The following PTCD1 variants were observed in gnomAD, a reference collection of about 807,000 sequenced individuals.
PTCD1 encodes pentatricopeptide repeat domain 1.
Under a neutral mutation model 53.4 loss-of-function variants are expected in PTCD1, and 50 were observed. The observed-to-expected ratio is 0.94, with a 90% CI of 0.75 to 1.19. The LOEUF is 1.19. Among genes scored for constraint, PTCD1 ranks in the 50% most tolerant of loss-of-function variants. The pLI is 0.00. For missense variants in PTCD1, 918 were observed against 904.8 expected, an observed-to-expected ratio of 1.01 and a Z score of -0.19; for synonymous variants, 413 against 394.8, an observed-to-expected ratio of 1.05 and a Z score of -0.55.
At chr7:99,428,802 G>C (rs1249875931) in intron 5 of PTCD1, among the ~76,000 whole-genome samples, 1 of 152,042 alleles carries the variant, frequency 6.6e-6, no homozygotes, top group Admixed American at 6.6e-5. Context: ...ATGGGGGTGT[G>C]GGAGGGTTGA....
Position 99,419,394 on chromosome 7 carries a change from C to T in PTCD1, c.*573G>A, listed in dbSNP as rs927895452. 5 of 1,612,972 alleles carry T rather than the reference C, an allele frequency of 3.1e-6. No homozygotes were observed. Among genetic ancestry groups the T allele is most frequent in the African/African-American group, 1.3e-5 (1 of 74,920 alleles). ...TCACTGTCCTCCTCCGTTGCAGGGC[C>T]GCATCATCGAGTGCACACACTGTGG... On this transcript the variant is annotated 3_prime_UTR_variant, in exon 8 of 8. Coordinates refer to ENST00000292478, the MANE Select transcript of PTCD1 (RefSeq NM_015545.4).
chr7:99,421,441 A>G lies in PTCD1; in HGVS notation c.1921-1292T>C, dbSNP rs528229166. ...ATTCCCGTCTCTTTAAAAAAAAAAA[A>G]AAAAAAGAAAAAAGAAAATGCGGCA... On this transcript the variant is annotated intron_variant, in intron 7 of 7. Coordinates refer to ENST00000292478, the MANE Select transcript of PTCD1 (RefSeq NM_015545.4). Among the ~76,000 whole-genome samples, 298 of 146,830 alleles carry G rather than the reference A, an allele frequency of 2.0e-3. 3 individuals are homozygous for G. The highest frequency in any genetic ancestry group is 5.7e-3 in the African/African-American group (223 of 39,044).
intron 7 of PTCD1, among the ~76,000 whole-genome samples, chr7:99,423,002 CTTTTTT>C (rs76812753): frequency 6.9e-6 from 1 of 144,608 alleles, no homozygotes; most frequent in Non-Finnish European, 1.5e-5. Context: ...GAGCTCTTCT[CTTTTTT>C]TTTTTTTCAC....
intron 7 of PTCD1, among the ~76,000 whole-genome samples, chr7:99,422,170 A>C (rs1411884181): frequency 6.6e-6 from 1 of 152,202 alleles, no homozygotes; most frequent in African/African-American, 2.4e-5. Context: ...ACAGTTCAAA[A>C]ATGCCCAGCT....
intron 3 of PTCD1, among the ~76,000 whole-genome samples, chr7:99,432,695 T>G (rs988246458): frequency 6.6e-6 from 1 of 152,152 alleles, no homozygotes; most frequent in Non-Finnish European, 1.5e-5. Context: ...TGTCTCTGTG[T>G]CTTATTTCTT....
intron 1 of PTCD1, among the ~76,000 whole-genome samples, chr7:99,438,308 T>C (rs1413596091): frequency 1.5e-5 from 1 of 67,580 alleles, no homozygotes; most frequent in South Asian, 4.8e-4. Flanking sequence ...AAAAATAAAA[T>C]TTTAAAAATT....
intron 3 of PTCD1, 125 bp from the exon 4 acceptor site, chr7:99,429,931 G>A (rs1796196924): frequency 1.6e-6 from 2 of 1,227,094 alleles, no homozygotes; most frequent in Non-Finnish European, 2.3e-6. Context: ...CAGGCTCTAA[G>A]GCAGAGCCAT....
rs1003967626 is a variant in PTCD1 at position 99,417,065 on chromosome 7, C to CTT, written c.*2900_*2901dup. 1.8e-4 allele frequency: 38 copies of CTT among 208,970 alleles called. No homozygotes were observed. Among genetic ancestry groups the CTT allele is most frequent in the South Asian group, 4.5e-4 (8 of 17,716 alleles). The allele number at this position is 208,970 out of a possible 1,614,324, so 12.9% of individuals were successfully genotyped here. ...ACTGTCCCGTTGCAATACTGAATGCCTTTTTTTTTTTGAGATGGAGTTTCG... is the reference window on the plus strand; with the variant it reads ...ACTGTCCCGTTGCAATACTGAATGCCTTTTTTTTTTTTTGAGATGGAGTTTCG... On this transcript the variant is annotated 3_prime_UTR_variant, in exon 8 of 8. Coordinates refer to ENST00000292478, the MANE Select transcript of PTCD1 (RefSeq NM_015545.4).
At chr7:99,429,282 A>T (rs1020300014) in intron 4 of PTCD1, 78 bp from the exon 5 acceptor site, 15 of 1,558,880 alleles carry the variant, frequency 9.6e-6, no homozygotes, top group Non-Finnish European at 1.3e-5. Flanking sequence ...TAATCCTGGC[A>T]CATTGGGAGG....
intron 5 of PTCD1, among the ~76,000 whole-genome samples, chr7:99,427,115 C>T (rs1252497173): frequency 1.3e-5 from 2 of 150,956 alleles, no homozygotes; most frequent in East Asian, 2.0e-4. Context: ...CCAGCCGCCC[C>T]GTCCGGGAGG....
chr7:99,432,270 G>C (rs756569124), intron 3 of PTCD1, among the ~76,000 whole-genome samples: 1 of 151,736 alleles, frequency 6.6e-6, no homozygotes, highest in African/African-American at 2.4e-5. Context: ...TCTCCTGCTC[G>C]TCCCTGGGAA....
intron 4 of PTCD1, among the ~76,000 whole-genome samples, 179 bp downstream of exon 4, chr7:99,429,409 T>G (rs1399916283): frequency 2.0e-5 from 3 of 152,110 alleles, no homozygotes; most frequent in Non-Finnish European, 4.4e-5. Context: ...CAGCACACGG[T>G]GGCATACACA....
chr7:99,427,326 G>A lies in PTCD1; in HGVS notation c.916-1710C>T, dbSNP rs577687161. On this transcript the variant is annotated intron_variant, in intron 5 of 7. Transcript: ENST00000292478. ...AGGTGGGGGGGTCAGCCCCCCGCCCGGCCAGCCGCCCCGTCCGGGAGGGAG... is the reference window on the plus strand; with the variant it reads ...AGGTGGGGGGGTCAGCCCCCCGCCCAGCCAGCCGCCCCGTCCGGGAGGGAG... 5.5e-4 allele frequency among the ~76,000 whole-genome samples: 78 copies of A among 142,990 alleles called. 3 individuals carry two copies. In the East Asian group the frequency reaches 0.013, roughly 24 times the overall value. The allele number at this position is 142,990 out of a possible 152,430, so 93.8% of individuals were successfully genotyped here. A position where few individuals can be genotyped will look rare whatever the true frequency, so the allele number is the denominator to read the frequency against.
At chr7:99,433,210 G>C in intron 3 of PTCD1, 68 bp downstream of exon 3, 9 of 1,613,138 alleles carry the variant, frequency 5.6e-6, no homozygotes, top group Non-Finnish European at 6.8e-6. Context: ...GCACTAGCAA[G>C]TGGCACACTT....
chr7:99,425,270 C>T lies in PTCD1; in HGVS notation c.1262G>A (p.Ser421Asn). 6.2e-7 allele frequency: 1 copy of T among 1,613,214 alleles called. No individual in the cohort carries two copies. The highest frequency in any genetic ancestry group is 1.1e-5 in the South Asian group (1 of 91,024). ...CACTGCGGTGAGGGCTGCTGTGTGG[C>T]TGGGCTCTGCCTTAGTATCCACCTC... ...QPEVDTKAEP[S>N]HTAALTAVAL... Residue 421 changes from serine (S) to asparagine (N), a missense_variant, in exon 6 of 8, where the codon AGC becomes AAC. By Grantham distance (46) the Ser-to-Asn change is conservative. Transcript: ENST00000292478.
chr7:99,438,764 G>A lies in PTCD1; in HGVS notation c.-99C>T. Reference sequence around the variant, plus strand: ...CCCGCGGCGAACCAGTCTCTTCCTCGGGTCCCCCTCTCCCCAAGCGCGCAG... The same window carrying A: ...CCCGCGGCGAACCAGTCTCTTCCTCAGGTCCCCCTCTCCCCAAGCGCGCAG... On this transcript the variant is annotated 5_prime_UTR_variant, in exon 1 of 8. Coordinates refer to ENST00000292478, the MANE Select transcript of PTCD1 (RefSeq NM_015545.4). The A allele has an allele frequency of 7.4e-7, 1 of 1,343,088 alleles. No homozygotes were observed. The highest frequency in any genetic ancestry group is 9.8e-7 in the Non-Finnish European group (1 of 1,025,098). 83.2% of individuals were successfully genotyped at this position (1,343,088 alleles called of 1,614,324 possible). A position where few individuals can be genotyped will look rare whatever the true frequency, so the allele number is the denominator to read the frequency against.
chr7:99,429,550 C>A (rs1010359844), intron 4 of PTCD1, 38 bp downstream of exon 4: 11 of 1,613,762 alleles, frequency 6.8e-6, no homozygotes, highest in Non-Finnish European at 5.1e-6. Context: ...GTGGGACCAG[C>A]CCCATGAAGG....
chr7:99,432,960 G>C, intron 3 of PTCD1: 3 of 449,636 alleles, frequency 6.7e-6, no homozygotes, highest in Non-Finnish European at 1.2e-5. Context: ...GAGGCAGGAG[G>C]AACTCTTGAG....
At position 99,429,152 on chromosome 7, in the gene PTCD1, A is replaced by G. The variant is rs144852341; in HGVS notation, c.866T>C (p.Leu289Pro). Residue 289 changes from leucine (L) to proline (P), a missense_variant, in exon 5 of 8, where the codon CTC becomes CCC. By Grantham distance (98) the Leu-to-Pro change is moderately conservative. Coordinates refer to ENST00000292478, the MANE Select transcript of PTCD1 (RefSeq NM_015545.4). ...VVTEETFSFL[L>P]MGCIQDKKTG... is the part of the protein sequence containing the mutation. ...CTTCTTGTCTTGGATGCAGCCCATG[A>G]GCAGGAAACTGAAGGTCTCCTCTGT... The G allele has an allele frequency of 9.7e-5, 157 of 1,614,016 alleles. No individual in the cohort carries two copies. The highest frequency in any genetic ancestry group is 1.3e-4 in the Non-Finnish European group (148 of 1,180,022).
Sources: allele counts gnomAD v4.1 joint callset (sites outside exome capture counted in the v4.1 genomes callset), GRCh38; gene constraint gnomAD v4.1.1; transcripts MANE v1.5; gene names NCBI Gene and HGNC (gene_info 2026-07-23, HGNC 2026-07-21).